The following ZNF106 variants were observed in gnomAD, a reference collection of about 807,000 sequenced individuals.
The protein encoded by ZNF106 is SH3-domain binding protein 3.
A neutral mutation model predicts 195.1 loss-of-function variants in ZNF106; 67 were observed. The ratio of observed to expected loss-of-function variants is 0.34; its 90% confidence interval spans 0.28 to 0.42. The LOEUF is 0.42. Among genes scored for constraint, ZNF106 ranks in the 10% least tolerant of loss-of-function variants. ZNF106 has a pLI of 1.00. For synonymous variants in ZNF106, 784 were observed against 818.6 expected (o/e 0.96, Z 0.72); for missense variants, 2,118 against 2,304.5 (o/e 0.92, Z 1.66).
chr15:42,450,435 T>C lies in ZNF106; in HGVS notation c.1837A>G (p.Ser613Gly). ...TCCGTGTCAGATGTCTCTCCATCAC[T>C]TTCATCTTCTAGTGCGTGCACTTGA... ...EFQVHALEDE[S>G]DGETSDTEKH... The change falls in exon 5 of 22, where the codon AGT becomes GGT. Residue 613 changes from serine (S) to glycine (G), a missense_variant. Physicochemically the swap from Ser to Gly is moderately conservative, Grantham distance 56. Coordinates refer to ENST00000564754, the MANE Select transcript of ZNF106 (RefSeq NM_001366845.3). 6.2e-7 allele frequency: 1 copy of C among 1,614,088 alleles called. No homozygotes were observed. The highest frequency in any genetic ancestry group is 1.7e-5 in the Admixed American group (1 of 60,004).
At chr15:42,437,995 T>C (rs12442046) in intron 12 of ZNF106, among the ~76,000 whole-genome samples, 41,290 of 151,780 alleles carry the variant, frequency 0.27, 8,162 homozygotes, top group African/African-American at 0.55. Flanking sequence ...CTTTGAGTAA[T>C]GTAGTATTCC....
intron 3 of ZNF106, among the ~76,000 whole-genome samples, chr15:42,465,374 C>T (rs1179211619): frequency 6.6e-6 from 1 of 152,128 alleles, no homozygotes; most frequent in African/African-American, 2.4e-5. Flanking sequence ...CCTACCTAAG[C>T]TCAAGTGATC....
rs2055679270 is a variant in ZNF106, at chr15:42,444,269, ATAAAG to A, written c.3361-12_3361-8del. 1.2e-6 allele frequency: 2 copies of A among 1,602,956 alleles called. No homozygotes were observed. The highest frequency in any genetic ancestry group is 1.7e-6 in the Non-Finnish European group (2 of 1,171,800). Reference sequence around the variant, plus strand: ...CACTCATCTCCATAGTTATCTAAAAATAAAGTATTTTATTAAGCATTTTGAAATCC... The same window carrying A: ...CACTCATCTCCATAGTTATCTAAAAATATTTTATTAAGCATTTTGAAATCC... On this transcript the variant is annotated splice_polypyrimidine_tract_variant and splice_region_variant and intron_variant, in intron 8 of 21. Transcript: ENST00000564754.
At chr15:42,441,770 C>A (rs1484299925) in intron 10 of ZNF106, 1 of 209,892 alleles carries the variant, frequency 4.8e-6, no homozygotes, top group Admixed American at 5.3e-5. Context: ...TAACTTCAAC[C>A]CCATTTATTT....
rs756479869 is a variant in ZNF106, at chr15:42,444,947, A to G, written c.3240T>C (p.Ser1080=). Residue 1080 remains serine, a synonymous_variant, in exon 8 of 22, where the codon TCT becomes TCC. Coordinates refer to ENST00000564754, the MANE Select transcript of ZNF106 (RefSeq NM_001366845.3). ...RSQVDQLLNI[S]LREEELSKSL... The stretch of plus-strand genomic sequence containing the variant: ...ACTTACTAAGTTCTTCCTCCCTTAA[A>G]GAAATATTCAGCAGCTGGTCAACCT... 3 of 1,614,200 alleles carry G rather than the reference A, an allele frequency of 1.9e-6. No homozygotes were observed. Among genetic ancestry groups the G allele is most frequent in the Non-Finnish European group, 2.5e-6 (3 of 1,180,028 alleles).
intron 1 of ZNF106, among the ~76,000 whole-genome samples, chr15:42,484,943 G>C (rs1207582956): frequency 6.6e-6 from 1 of 152,166 alleles, no homozygotes; most frequent in Non-Finnish European, 1.5e-5. Context: ...CGGATCGGTA[G>C]AGTCCAGGAG....
chr15:42,421,260 A>C (rs2054646569), intron 19 of ZNF106, 128 bp from the exon 20 acceptor site: 9 of 820,696 alleles, frequency 1.1e-5, no homozygotes, highest in Non-Finnish European at 1.8e-5. Context: ...AACCAGCTCC[A>C]GAGCAGGAGA....
chr15:42,435,490 C>T lies in ZNF106; in HGVS notation c.4775G>A (p.Gly1592Asp), dbSNP rs2055240331. The T allele has an allele frequency of 5.0e-6, 8 of 1,614,016 alleles. No homozygotes were observed. Among genetic ancestry groups the T allele is most frequent in the Non-Finnish European group, 6.8e-6 (8 of 1,180,028 alleles). The change falls in exon 14 of 22, where the codon GGT becomes GAT. Residue 1592 changes from glycine to aspartate, a missense_variant. Coordinates refer to ENST00000564754, the MANE Select transcript of ZNF106 (RefSeq NM_001366845.3). ...VSRKCIGVFE[G>D]HTSKVNCLLV... Reference sequence around the variant, plus strand: ...GAGGCAGTTAACTTTGGAGGTATGACCCTCAAAGACACCAATACATTTCCG... The same window carrying T: ...GAGGCAGTTAACTTTGGAGGTATGATCCTCAAAGACACCAATACATTTCCG...
In ZNF106 at chr15:42,439,099, G is replaced by T. The variant is rs775930188; in HGVS notation, c.4478C>A (p.Ser1493Tyr). ...GGTAGAGCTAACTTCATCACACCCA[G>T]AACGAGACGTTTCTAGTGGGTTTTG... Reference protein sequence around the residue: ...TEQNPLETSRSGCDEVSSTSE... With the variant: ...TEQNPLETSRYGCDEVSSTSE... The change falls in exon 11 of 22, where the codon TCT becomes TAT. Residue 1493 changes from serine (S) to tyrosine (Y), a missense_variant. Transcript: ENST00000564754. 6.2e-7 allele frequency: 1 copy of T among 1,614,090 alleles called. No homozygotes were observed. Among genetic ancestry groups the T allele is most frequent in the South Asian group, 1.1e-5 (1 of 91,092 alleles).
At chr15:42,459,297 A>G (rs1200965297) in intron 3 of ZNF106, among the ~76,000 whole-genome samples, 1 of 151,858 alleles carries the variant, frequency 6.6e-6, no homozygotes, top group Non-Finnish European at 1.5e-5. Flanking sequence ...CCAAACTGGT[A>G]AAACCCCGTC....
intron 1 of ZNF106, among the ~76,000 whole-genome samples, chr15:42,487,099 G>A (rs1350758892): frequency 6.6e-6 from 1 of 152,044 alleles, no homozygotes; most frequent in Non-Finnish European, 1.5e-5. Flanking sequence ...GCAGTGAGCA[G>A]AGATCGTGCC....
At position 42,417,477 on chromosome 15, in the gene ZNF106, G is replaced by A. The variant is rs571193761; in HGVS notation, c.5665-117C>T. The A allele has an allele frequency of 1.7e-5, 21 of 1,229,312 alleles. No individual in the cohort carries two copies. The Admixed American group carries it at 4.1e-4, about 24-fold the overall frequency. 76.2% of individuals were successfully genotyped at this position (1,229,312 alleles called of 1,614,324 possible). A position where few individuals can be genotyped will look rare whatever the true frequency, so the allele number is the denominator to read the frequency against. ...ACCTAGGATCCAGACAGGAAAGGCA[G>A]TTAGGAGCCAGCACTTTGCTAACTT... On this transcript the variant is annotated intron_variant, in intron 21 of 21. Coordinates refer to ENST00000564754, the MANE Select transcript of ZNF106 (RefSeq NM_001366845.3).
intron 1 of ZNF106, among the ~76,000 whole-genome samples, chr15:42,484,076 T>C (rs2056959911): frequency 6.6e-6 from 1 of 152,228 alleles, no homozygotes; most frequent in Admixed American, 6.5e-5. Context: ...CATATCATTG[T>C]GGAAATTTTC....
At chr15:42,483,972 T>C (rs535826588) in intron 1 of ZNF106, among the ~76,000 whole-genome samples, 3 of 152,340 alleles carry the variant, frequency 2.0e-5, no homozygotes, top group South Asian at 4.1e-4. Flanking sequence ...ACCCTATCTC[T>C]TCTTTATAAC....
At chr15:42,466,706 C>A (rs1225011723) in intron 2 of ZNF106, among the ~76,000 whole-genome samples, 1 of 152,170 alleles carries the variant, frequency 6.6e-6, no homozygotes, top group Non-Finnish European at 1.5e-5. Context: ...TTAATCAATC[C>A]TTTATCTTCA....
intron 1 of ZNF106, among the ~76,000 whole-genome samples, chr15:42,480,298 G>T (rs2056872965): frequency 6.6e-6 from 1 of 151,958 alleles, no homozygotes; most frequent in Admixed American, 6.6e-5. Flanking sequence ...TTATTGTTAT[G>T]ATATGATCCC....
At chr15:42,431,174 T>C (rs917248926) in intron 14 of ZNF106, among the ~76,000 whole-genome samples, 6 of 152,150 alleles carry the variant, frequency 3.9e-5, no homozygotes, top group Admixed American at 3.3e-4. Flanking sequence ...TAGATTTCTG[T>C]TACTGCTTTC....
At position 42,415,618 on chromosome 15, in the gene ZNF106, T is replaced by C; in HGVS notation, c.*1686A>G. On this transcript the variant is annotated 3_prime_UTR_variant, in exon 22 of 22. Transcript: ENST00000564754. ...GACATGTGAGTGGATATATGTGCAC[T>C]AACAGGGGCGAAGACAGACCTGGAT... 2.8e-6 allele frequency: 1 copy of C among 362,150 alleles called. No individual in the cohort carries two copies. Among genetic ancestry groups the C allele is most frequent in the Non-Finnish European group, 5.5e-6 (1 of 181,460 alleles). The allele number at this position is 362,150 out of a possible 1,614,324, so 22.4% of individuals were successfully genotyped here.
At position 42,441,023 on chromosome 15, in the gene ZNF106, ATAT is replaced by A. The variant is rs2055510749; in HGVS notation, c.3763+1047_3763+1049del. On this transcript the variant is annotated intron_variant, in intron 10 of 21. Transcript: ENST00000564754. ...AATATATATATATATATATATATATATATATATATATATATATATATATATGCT... is the reference window on the plus strand; with the variant it reads ...AATATATATATATATATATATATATAATATATATATATATATATATATGCT... 6.5e-5 allele frequency among the ~76,000 whole-genome samples: 4 copies of A among 61,700 alleles called. No homozygotes were observed. In the South Asian group the frequency reaches 3.2e-3, roughly 50 times the overall value. The allele number at this position is 61,700 out of a possible 152,430, so 40.5% of individuals were successfully genotyped here. A position where few individuals can be genotyped will look rare whatever the true frequency, so the allele number is the denominator to read the frequency against.
Sources: gnomAD v4.1 joint callset for allele counts (sites outside exome capture counted in the v4.1 genomes callset) on GRCh38, gnomAD v4.1.1 for gene constraint, MANE v1.5 for transcripts, NCBI Gene and HGNC (gene_info 2026-07-23, HGNC 2026-07-21) for gene names.